PTGER3: variants seen among roughly 807,000 people sequenced by gnomAD.
PTGER3 encodes prostaglandin E receptor 3, also known as prostaglandin E2 receptor EP3 subtype.
Under a neutral mutation model 34.7 loss-of-function variants are expected in PTGER3, and 22 were observed. That is an observed-to-expected ratio of 0.63 (90% CI 0.45 to 0.91). PTGER3 has a LOEUF of 0.91. Among genes scored for constraint, PTGER3 ranks in the 40% least tolerant of loss-of-function variants. The pLI is 0.00. For synonymous variants in PTGER3, 241 were observed against 230.1 expected (o/e 1.05, Z -0.43); for missense variants, 468 against 519.4 (o/e 0.90, Z 0.96).
At chr1:70,877,573 T>C (rs1001456419) in intron 4 of PTGER3, among the ~76,000 whole-genome samples, 1 of 152,160 alleles carries the variant, frequency 6.6e-6, no homozygotes, top group African/African-American at 2.4e-5. Flanking sequence ...CCCTTGAATA[T>C]GGTGTTGGCT....
chr1:71,005,764 AG>A (rs1175493090), intron 2 of PTGER3: 2 of 736,032 alleles, frequency 2.7e-6, no homozygotes, highest in African/African-American at 3.8e-5. Context: ...ATGCCCTCTG[AG>A]GACATGAAAC....
intron 4 of PTGER3, among the ~76,000 whole-genome samples, chr1:70,909,620 T>C (rs937539757): frequency 6.6e-6 from 1 of 152,096 alleles, no homozygotes; most frequent in Non-Finnish European, 1.5e-5. Flanking sequence ...TACAGTTTGT[T>C]GTGTGGAGTG....
chr1:71,047,692 C>G lies in PTGER3; in HGVS notation c.-115G>C, dbSNP rs531754205. The G allele has an allele frequency of 5.5e-6, 7 of 1,273,626 alleles. No individual in the cohort carries two copies. Among genetic ancestry groups the G allele is most frequent in the East Asian group, 5.6e-5 (2 of 35,406 alleles). The allele number at this position is 1,273,626 out of a possible 1,614,324, so 78.9% of individuals were successfully genotyped here. A position where few individuals can be genotyped will look rare whatever the true frequency, so the allele number is the denominator to read the frequency against. ...TACCGCGGCTGGGGCTGGGCTGCCCCCCATGGTGCGGGGCGCAGCCGCCGC... is the reference window on the plus strand; with the variant it reads ...TACCGCGGCTGGGGCTGGGCTGCCCGCCATGGTGCGGGGCGCAGCCGCCGC... On this transcript the variant is annotated 5_prime_UTR_variant, in exon 1 of 4. Transcript: ENST00000306666.
intron 2 of PTGER3, among the ~76,000 whole-genome samples, chr1:70,990,708 G>C (rs1328394054): frequency 1.3e-5 from 2 of 151,718 alleles, no homozygotes; most frequent in Non-Finnish European, 2.9e-5. Context: ...GAATTTCTGG[G>C]CTCAAGCAAT....
intron 4 of PTGER3, among the ~76,000 whole-genome samples, chr1:70,868,472 T>C (rs1646093059): frequency 6.6e-6 from 1 of 152,202 alleles, no homozygotes; most frequent in South Asian, 2.1e-4. Flanking sequence ...TGAGTTCTCC[T>C]GGAGGTGGGC....
rs537272009 is a variant in PTGER3, at chr1:70,940,449, C to G, written c.*23+13314G>C. ...TAAATGCCCCACTCTACTGGTACCACTTTACTGTATTAGTCTGTTTTTATG... is the reference window on the plus strand; with the variant it reads ...TAAATGCCCCACTCTACTGGTACCAGTTTACTGTATTAGTCTGTTTTTATG... On this transcript the variant is annotated intron_variant, in intron 4 of 4. Transcript: ENST00000370931. Among the ~76,000 whole-genome samples, 7 of 152,250 alleles carry G rather than the reference C, an allele frequency of 4.6e-5. No individual in the cohort carries two copies. The East Asian group carries it at 1.2e-3, about 25-fold the overall frequency.
chr1:70,891,725 T>G (rs1009760181), intron 4 of PTGER3, among the ~76,000 whole-genome samples: 2 of 152,214 alleles, frequency 1.3e-5, no homozygotes, highest in African/African-American at 4.8e-5. Flanking sequence ...AGCATTCTTC[T>G]TCTCTAACAA....
chr1:71,041,692 T>C (rs551125603), intron 1 of PTGER3, among the ~76,000 whole-genome samples: 6 of 152,226 alleles, frequency 3.9e-5, no homozygotes, highest in South Asian at 2.1e-4. Context: ...TTCCTTCCTG[T>C]CTTTTTGTAA....
intron 4 of PTGER3, among the ~76,000 whole-genome samples, chr1:70,883,268 T>A (rs1318429595): frequency 6.6e-6 from 1 of 152,192 alleles, no homozygotes; most frequent in Non-Finnish European, 1.5e-5. Flanking sequence ...AGTATTCAAT[T>A]TATTTAAACT....
intron 2 of PTGER3, among the ~76,000 whole-genome samples, chr1:70,980,963 G>A (rs1232433502): frequency 6.6e-6 from 1 of 152,154 alleles, no homozygotes; most frequent in African/African-American, 2.4e-5. Context: ...CCTTATAAGA[G>A]ACTTCCTTTT....
chr1:70,899,954 G>A (rs1158627612), intron 4 of PTGER3, among the ~76,000 whole-genome samples: 2 of 152,006 alleles, frequency 1.3e-5, no homozygotes, highest in Non-Finnish European at 2.9e-5. Flanking sequence ...TGTAATGGTA[G>A]GAATTTTGAA....
intron 2 of PTGER3, chr1:71,009,137 A>C (rs769788767): frequency 1.1e-4 from 111 of 985,056 alleles, no homozygotes; most frequent in Non-Finnish European, 1.3e-4. Context: ...AAAAAGCCTA[A>C]TCTACTTGAA....
chr1:70,888,982 G>C (rs1646556084), intron 4 of PTGER3, among the ~76,000 whole-genome samples: 1 of 152,104 alleles, frequency 6.6e-6, no homozygotes, highest in Non-Finnish European at 1.5e-5. Flanking sequence ...TTTTAGAAAA[G>C]AAAGCACGTA....
chr1:70,921,187 C>G (rs895304492), intron 4 of PTGER3, among the ~76,000 whole-genome samples: 1 of 152,058 alleles, frequency 6.6e-6, no homozygotes, highest in African/African-American at 2.4e-5. Flanking sequence ...TTAGGAAAGT[C>G]TTCCCCCTCA....
intron 2 of PTGER3, among the ~76,000 whole-genome samples, chr1:70,986,711 A>G (rs1654949527): frequency 6.6e-6 from 1 of 152,138 alleles, no homozygotes; most frequent in Non-Finnish European, 1.5e-5. Flanking sequence ...CCCTTCAATT[A>G]CCTGCATTAT....
At chr1:71,017,308 G>T (rs995142570) in intron 1 of PTGER3, among the ~76,000 whole-genome samples, 1 of 152,110 alleles carries the variant, frequency 6.6e-6, no homozygotes, top group African/African-American at 2.4e-5. Context: ...GATCCAGGAG[G>T]TAAGGAATGA....
chr1:70,987,452 A>G (rs996769806), intron 2 of PTGER3, among the ~76,000 whole-genome samples: 3 of 152,228 alleles, frequency 2.0e-5, no homozygotes, highest in African/African-American at 4.8e-5. Context: ...CTCTTCTAGT[A>G]TATTACCACA....
At chr1:70,857,874 A>G (rs2100456273) in intron 4 of PTGER3, among the ~76,000 whole-genome samples, 1 of 152,348 alleles carries the variant, frequency 6.6e-6, no homozygotes, top group African/African-American at 2.4e-5. Flanking sequence ...ATAATTCATG[A>G]CTACAGTTGC....
At chr1:70,871,556 C>A (rs1366227390) in intron 4 of PTGER3, among the ~76,000 whole-genome samples, 1 of 152,086 alleles carries the variant, frequency 6.6e-6, no homozygotes, top group South Asian at 2.1e-4. Flanking sequence ...TCAAGAAATG[C>A]TTGTTGAATT....
Sources: gnomAD v4.1 joint callset for allele counts (sites outside exome capture counted in the v4.1 genomes callset) on GRCh38, gnomAD v4.1.1 for gene constraint, MANE v1.5 for transcripts, NCBI Gene and HGNC (gene_info 2026-07-23, HGNC 2026-07-21) for gene names.